NCKAP5: variants seen among roughly 807,000 people sequenced by gnomAD.
The protein encoded by NCKAP5 is NCK associated protein 5, also known as nck-associated protein 5.
A neutral mutation model predicts 167.0 loss-of-function variants in NCKAP5; 92 were observed. The ratio of observed to expected loss-of-function variants is 0.55; its 90% CI spans 0.47 to 0.66. The LOEUF (loss-of-function observed/expected upper bound fraction) is 0.66, where lower values mean the gene tolerates loss of function less well. Among genes scored for constraint, NCKAP5 ranks in the 30% least tolerant of loss-of-function variants. The pLI is 0.00. For synonymous variants in NCKAP5, 891 were observed against 877.4 expected (o/e 1.02, Z -0.27); for missense variants, 2,378 against 2,315.0 (o/e 1.03, Z -0.56).
At chr2:133,374,710 T>G (rs1381694280) in intron 3 of NCKAP5, among the ~76,000 whole-genome samples, 2 of 152,156 alleles carry the variant, frequency 1.3e-5, no homozygotes, top group Non-Finnish European at 2.9e-5. Context: ...TCAATTTTGC[T>G]GTGAACTTAA....
the NCKAP5 span, among the ~76,000 whole-genome samples, chr2:133,662,049 C>A: frequency 6.6e-6 from 1 of 152,114 alleles, no homozygotes; most frequent in Non-Finnish European, 1.5e-5. Context: ...GTGTGCTTAA[C>A]CTGTCTGAAG....
chr2:133,400,361 G>T (rs995198531), intron 3 of NCKAP5, among the ~76,000 whole-genome samples: 1 of 152,142 alleles, frequency 6.6e-6, no homozygotes, highest in African/African-American at 2.4e-5. Context: ...TGGAAGAAAG[G>T]TCATTGAGGA....
chr2:132,917,299 A>G (rs1694961035), intron 8 of NCKAP5, among the ~76,000 whole-genome samples: 1 of 152,204 alleles, frequency 6.6e-6, no homozygotes, highest in South Asian at 2.1e-4. Context: ...GATTTTTAAA[A>G]AACTTTAATA....
intron 9 of NCKAP5, among the ~76,000 whole-genome samples, chr2:132,876,224 A>C (rs1691260893): frequency 6.6e-6 from 1 of 152,032 alleles, no homozygotes; most frequent in Admixed American, 6.6e-5. Context: ...AGCTGTGTCT[A>C]CAGGTACCTG....
At chr2:133,502,497 A>G (rs1399186985) in intron 3 of NCKAP5, among the ~76,000 whole-genome samples, 1 of 152,210 alleles carries the variant, frequency 6.6e-6, no homozygotes, top group African/African-American at 2.4e-5. Context: ...ATATAGAAAT[A>G]TAGATATCTC....
At chr2:132,700,253 A>T (rs1283261649) in intron 19 of NCKAP5, among the ~76,000 whole-genome samples, 1 of 149,156 alleles carries the variant, frequency 6.7e-6, no homozygotes, top group African/African-American at 2.6e-5. Flanking sequence ...GATTACAAAA[A>T]TTTTCTCCCA....
chr2:133,152,063 C>G (rs78357800), intron 5 of NCKAP5, among the ~76,000 whole-genome samples: 124 of 152,244 alleles, frequency 8.1e-4, no homozygotes, highest in African/African-American at 2.9e-3. Context: ...GAATATTTCT[C>G]CCCAAAATAT....
chr2:133,185,280 G>T (rs1369687731), intron 5 of NCKAP5, among the ~76,000 whole-genome samples: 1 of 152,072 alleles, frequency 6.6e-6, no homozygotes, highest in East Asian at 1.9e-4. Flanking sequence ...TAGGTGTGCA[G>T]CTTTATTTCA....
chr2:132,677,989 C>T (rs1230000835), intron 19 of NCKAP5, among the ~76,000 whole-genome samples: 1 of 151,988 alleles, frequency 6.6e-6, no homozygotes, highest in Non-Finnish European at 1.5e-5. Context: ...TGATTTTTCA[C>T]ACAAAAATTC....
At chr2:133,413,115 G>T (rs1484973038) in intron 3 of NCKAP5, among the ~76,000 whole-genome samples, 1 of 152,240 alleles carries the variant, frequency 6.6e-6, no homozygotes, top group Non-Finnish European at 1.5e-5. Context: ...TCAGCATGTG[G>T]GTGGGGAGGC....
intron 10 of NCKAP5, among the ~76,000 whole-genome samples, chr2:132,867,524 A>T (rs1222707842): frequency 6.6e-6 from 1 of 152,132 alleles, no homozygotes; most frequent in Non-Finnish European, 1.5e-5. Context: ...TGTATGTAGT[A>T]ATGTATGAAA....
intron 3 of NCKAP5, among the ~76,000 whole-genome samples, chr2:133,481,539 G>A (rs1680432916): frequency 1.3e-5 from 2 of 152,072 alleles, no homozygotes; most frequent in Non-Finnish European, 2.9e-5. Flanking sequence ...CAGGTATTAA[G>A]CCTAGTACCC....
chr2:133,294,242 C>T (rs1284789358), intron 4 of NCKAP5, among the ~76,000 whole-genome samples: 1 of 152,172 alleles, frequency 6.6e-6, no homozygotes, highest in South Asian at 2.1e-4. Flanking sequence ...CAATTAAGAG[C>T]TCCCAGTGGA....
intron 7 of NCKAP5, among the ~76,000 whole-genome samples, chr2:132,984,690 T>C (rs1182138646): frequency 6.6e-6 from 1 of 152,096 alleles, no homozygotes; most frequent in African/African-American, 2.4e-5. Context: ...CTTTCTTAAC[T>C]ATTTCCTCAT....
intron 4 of NCKAP5, among the ~76,000 whole-genome samples, chr2:133,220,151 T>G (rs185011615): frequency 2.6e-4 from 40 of 152,350 alleles, no homozygotes; most frequent in Admixed American, 2.5e-3. Context: ...AGGCCTCAGT[T>G]CATCTGCTGG....
upstream of NCKAP5, among the ~76,000 whole-genome samples, chr2:133,572,526 T>C (rs141699294): frequency 2.0e-5 from 3 of 152,324 alleles, no homozygotes; most frequent in African/African-American, 7.2e-5. Context: ...CAAGATTCAA[T>C]TGCAGGATGG....
intron 11 of NCKAP5, among the ~76,000 whole-genome samples, chr2:132,799,672 G>A (rs573826925): frequency 1.3e-4 from 20 of 152,140 alleles, no homozygotes; most frequent in African/African-American, 4.8e-4. Flanking sequence ...CATTGTTATA[G>A]CTTTCATACA....
At chr2:133,561,844 A>ATATATAGGG (rs1392655591) in intron 1 of NCKAP5, among the ~76,000 whole-genome samples, 3 of 152,222 alleles carry the variant, frequency 2.0e-5, no homozygotes, top group African/African-American at 7.2e-5. Flanking sequence ...GCAACTGGGA[A>ATATATAGGG]ACTTCAGCTA....
chr2:133,039,258 G>C (rs1006350361), intron 6 of NCKAP5, among the ~76,000 whole-genome samples: 4 of 152,188 alleles, frequency 2.6e-5, no homozygotes, highest in Non-Finnish European at 5.9e-5. Flanking sequence ...AGGTGAAACC[G>C]ATATTACTGA....
Sources: allele counts gnomAD v4.1 joint callset (sites outside exome capture counted in the v4.1 genomes callset), GRCh38; gene constraint gnomAD v4.1.1; transcripts MANE v1.5; gene names NCBI Gene and HGNC (gene_info 2026-07-23, HGNC 2026-07-21).